CDCA7L: variants seen among roughly 807,000 people sequenced by gnomAD.
CDCA7L encodes the protein cell division cycle associated 7 like, also known as cell division cycle-associated 7-like protein.
A neutral mutation model predicts 57.4 loss-of-function variants in CDCA7L; 44 were observed. That is an observed-to-expected ratio of 0.77 (90% CI 0.60 to 0.98). The LOEUF is 0.98. Ranked by LOEUF, CDCA7L falls within the 50% of genes least tolerant of loss-of-function variation. The probability of loss-of-function intolerance (pLI) is 0.00; values close to 1 mark genes in which losing one functional copy is unlikely to be tolerated. For missense variants in CDCA7L, 644 were observed against 580.6 expected (o/e 1.11, Z -1.12); for synonymous variants, 236 against 202.8 (o/e 1.16, Z -1.39).
intron 2 of CDCA7L, 114 bp from the exon 3 acceptor site, chr7:21,911,868 A>G: frequency 1.2e-6 from 1 of 845,640 alleles, no homozygotes; most frequent in East Asian, 2.6e-5. Context: ...GATGACGAAA[A>G]TGGATGGACA....
chr7:21,928,686 G>T (rs1474291321), intron 1 of CDCA7L, among the ~76,000 whole-genome samples: 1 of 151,540 alleles, frequency 6.6e-6, no homozygotes, highest in Non-Finnish European at 1.5e-5. Context: ...AATCGATCAA[G>T]CAGAAGAAAG....
At chr7:21,922,642 T>C (rs902830735) in intron 1 of CDCA7L, among the ~76,000 whole-genome samples, 2 of 152,330 alleles carry the variant, frequency 1.3e-5, no homozygotes, top group South Asian at 4.1e-4. Context: ...TTAATATATC[T>C]ACTAGTGCCT....
In CDCA7L at chr7:21,918,645, A is replaced by G. The variant is rs527380686; in HGVS notation, c.25-1751T>C. Among the ~76,000 whole-genome samples, 3 of 152,196 alleles carry G rather than the reference A, an allele frequency of 2.0e-5. No homozygotes were observed. In the South Asian group the frequency reaches 6.2e-4, roughly 32 times the overall value. On this transcript the variant is annotated intron_variant, in intron 1 of 9. Transcript: ENST00000406877. ...TTTAACAGACTCATTTGGGTTTACAATTTGGGAGTTGAATCCGGAGGCTTT... is the reference window on the plus strand; with the variant it reads ...TTTAACAGACTCATTTGGGTTTACAGTTTGGGAGTTGAATCCGGAGGCTTT...
At chr7:21,915,656 A>ACACAC (rs11369313) in intron 2 of CDCA7L, among the ~76,000 whole-genome samples, 8 of 110,374 alleles carry the variant, frequency 7.2e-5, no homozygotes, top group African/African-American at 2.8e-4. Context: ...AAAAAAAAAA[A>ACACAC]AAACACACAC....
At chr7:21,913,735 T>G (rs1388667134) in intron 2 of CDCA7L, among the ~76,000 whole-genome samples, 1 of 152,218 alleles carries the variant, frequency 6.6e-6, no homozygotes, top group Non-Finnish European at 1.5e-5. Context: ...TCTTCCAGTT[T>G]TTCTGGCTAT....
intron 7 of CDCA7L, among the ~76,000 whole-genome samples, chr7:21,905,234 AAC>A (rs1296728038): frequency 5.3e-5 from 8 of 152,102 alleles, no homozygotes; most frequent in Non-Finnish European, 1.0e-4. Flanking sequence ...TTAAACCATT[AAC>A]AGTTACATAT....
At chr7:21,938,409 C>A (rs530657797) in intron 1 of CDCA7L, among the ~76,000 whole-genome samples, 9 of 152,014 alleles carry the variant, frequency 5.9e-5, no homozygotes, top group Non-Finnish European at 1.3e-4. Context: ...CTAGGGCTGG[C>A]AAAGACGTGA....
intron 3 of CDCA7L, among the ~76,000 whole-genome samples, chr7:21,910,952 T>C (rs1163854351): frequency 2.0e-5 from 3 of 150,402 alleles, no homozygotes; most frequent in South Asian, 2.1e-4. Flanking sequence ...CTCAAGAAAG[T>C]TGTCATCTAA....
intron 1 of CDCA7L, among the ~76,000 whole-genome samples, chr7:21,937,255 T>C (rs1311413158): frequency 6.6e-6 from 1 of 152,154 alleles, no homozygotes; most frequent in African/African-American, 2.4e-5. Context: ...TCTCAAACTC[T>C]CAGTGACTTC....
intron 2 of CDCA7L, among the ~76,000 whole-genome samples, chr7:21,915,569 G>A (rs376628984): frequency 1.1e-3 from 160 of 151,232 alleles, no homozygotes; most frequent in African/African-American, 3.7e-3. Context: ...AGGCCAAGGC[G>A]GGCAGATCAC....
intron 1 of CDCA7L, among the ~76,000 whole-genome samples, chr7:21,944,449 CAAAAAAAAAAA>C (rs59373889): frequency 9.7e-5 from 6 of 61,658 alleles, no homozygotes; most frequent in Non-Finnish European, 1.6e-4. Flanking sequence ...ACTCCGTCTC[CAAAAAAAAAAA>C]AAAAAAAAAA....
At chr7:21,945,711 C>G in intron 1 of CDCA7L, 70 bp downstream of exon 1, 2 of 1,583,058 alleles carry the variant, frequency 1.3e-6, no homozygotes, top group Non-Finnish European at 1.7e-6. Context: ...CCAAGGCCAG[C>G]AGGACCGGGT....
intron 4 of CDCA7L, among the ~76,000 whole-genome samples, chr7:21,907,081 T>C (rs1309212753): frequency 6.6e-6 from 1 of 152,232 alleles, no homozygotes; most frequent in Non-Finnish European, 1.5e-5. Flanking sequence ...TCTGATTCTT[T>C]AAATAGATTA....
intron 1 of CDCA7L, among the ~76,000 whole-genome samples, chr7:21,935,781 G>A (rs1786143328): frequency 6.6e-6 from 1 of 152,132 alleles, no homozygotes; most frequent in Admixed American, 6.6e-5. Flanking sequence ...GGCAGAGGTG[G>A]GTGGATCACA....
At position 21,901,329 on chromosome 7, in the gene CDCA7L, T is replaced by TTCTG; in HGVS notation, c.*992_*993insCAGA. 1 of 1,432,748 alleles carries TTCTG rather than the reference T, an allele frequency of 7.0e-7. No homozygotes were observed. Among genetic ancestry groups the TTCTG allele is most frequent in the Non-Finnish European group, 9.2e-7 (1 of 1,084,104 alleles). 88.8% of individuals were successfully genotyped at this position (1,432,748 alleles called of 1,614,324 possible). ...CTAGCATGTTGCTGCACTGTTCCCA[T>TTCTG]GCACATTATTCTAACTTTTTAGTAA... On this transcript the variant is annotated 3_prime_UTR_variant, in exon 10 of 10. Transcript: ENST00000406877.
intron 1 of CDCA7L, among the ~76,000 whole-genome samples, chr7:21,918,821 G>A (rs764216366): frequency 2.6e-5 from 4 of 151,904 alleles, no homozygotes; most frequent in South Asian, 2.1e-4. Flanking sequence ...TTTGTTCTTC[G>A]CTTTTAAAAC....
intron 1 of CDCA7L, among the ~76,000 whole-genome samples, chr7:21,933,703 A>G (rs1240144637): frequency 2.6e-5 from 4 of 152,150 alleles, no homozygotes; most frequent in Non-Finnish European, 4.4e-5. Context: ...ACTAATGTAG[A>G]CGACGGGTTA....
At chr7:21,928,958 C>G (rs183803874) in intron 1 of CDCA7L, among the ~76,000 whole-genome samples, 1 of 152,022 alleles carries the variant, frequency 6.6e-6, no homozygotes, top group Admixed American at 6.6e-5. Flanking sequence ...ACAAAGAATA[C>G]CACAAAGATA....
chr7:21,906,611 G>C lies in CDCA7L; in HGVS notation c.710C>G (p.Ser237Trp). The change falls in exon 5 of 10, where the codon TCG (serine) becomes TGG (tryptophan). Residue 237 changes from serine (S) to tryptophan (W), a missense_variant. Ser to Trp is a radical substitution (Grantham distance 177). Transcript: ENST00000406877. ...TCGTACTGGGAAGAAATCTGGCATC[G>C]AGTTCAATTCCGCCAATAACTGGGC... ...MLAQLLAELN[S>W]MPDFFPVRTP... The C allele has an allele frequency of 1.2e-6, 2 of 1,614,044 alleles. No homozygotes were observed. The highest frequency in any genetic ancestry group is 1.7e-6 in the Non-Finnish European group (2 of 1,180,006).
Sources: gnomAD v4.1 joint callset for allele counts (sites outside exome capture counted in the v4.1 genomes callset) on GRCh38, gnomAD v4.1.1 for gene constraint, MANE v1.5 for transcripts, NCBI Gene and HGNC (gene_info 2026-07-23, HGNC 2026-07-21) for gene names.